Variants in DNMBP observed in about 807,000 individuals in gnomAD.
DNMBP encodes the protein dynamin binding protein.
DNMBP carries 87 observed loss-of-function variants against 150.0 expected under a neutral mutation model. That is an observed-to-expected ratio of 0.58 (90% CI 0.49 to 0.69). The LOEUF (loss-of-function observed/expected upper bound fraction) is 0.69. Among genes scored for constraint, DNMBP ranks in the 30% least tolerant of loss-of-function variants. The pLI is 0.00. For missense variants in DNMBP, 1,774 were observed against 1,949.0 expected, an observed-to-expected ratio of 0.91 and a Z score of 1.69; for synonymous variants, 711 against 750.4, an observed-to-expected ratio of 0.95 and a Z score of 0.86.
Position 99,957,030 on chromosome 10 carries a change from T to G in DNMBP, c.444A>C (p.Gly148=). The G allele has an allele frequency of 6.2e-7, 1 of 1,614,162 alleles. No homozygotes were observed. ...ALFQIPEYSM[G]QARALMGLSA... is the part of the protein sequence containing the mutation. The stretch of plus-strand genomic sequence containing the variant: ...AAAGCCCCATTAGGGCCCGGGCTTG[T>G]CCCATGGAATATTCCGGAATCTGAA... The change falls in exon 4 of 17, where the codon GGA becomes GGC. Residue 148 remains glycine, a synonymous_variant. Coordinates refer to ENST00000324109, the MANE Select transcript of DNMBP (RefSeq NM_015221.4).
At chr10:99,964,135 C>CTTTTTTTTTTT (rs895801002) in intron 3 of DNMBP, among the ~76,000 whole-genome samples, 13 of 87,218 alleles carry the variant, frequency 1.5e-4, no homozygotes, top group African/African-American at 4.9e-4. Flanking sequence ...TATTCTCTCT[C>CTTTTTTTTTTT]TTTTTTTTTT....
Position 99,990,806 on chromosome 10 carries a change from T to TAC in DNMBP, c.-10-18674_-10-18673dup, listed in dbSNP as rs1313781777. On this transcript the variant is annotated intron_variant, in intron 1 of 16. Transcript: ENST00000324109. Reference sequence around the variant, plus strand: ...ATACACACATATATACACACATATATACACATATATATATATACACATATA... The same window carrying TAC: ...ATACACACATATATACACACATATATACACACATATATATATATACACATATA... Among the ~76,000 whole-genome samples the TAC allele has an allele frequency of 2.5e-4, 21 of 84,836 alleles. 1 individual carries two copies. Among genetic ancestry groups the TAC allele is most frequent in the Admixed American group, 7.8e-4 (6 of 7,730 alleles). 55.7% of individuals were successfully genotyped at this position (84,836 alleles called of 152,430 possible).
At chr10:99,907,959 A>T in intron 6 of DNMBP, 36 bp downstream of exon 6, 1 of 1,562,866 alleles carries the variant, frequency 6.4e-7, no homozygotes, top group Non-Finnish European at 8.8e-7. Context: ...AAGTTTTTTT[A>T]AAAAGCTGCT....
At position 99,898,733 on chromosome 10, in the gene DNMBP, T is replaced by C. The variant is rs777650143; in HGVS notation, c.2720+10A>G. The stretch of plus-strand genomic sequence containing the variant: ...AATGAGCGCATACATCAAGCAGCAA[T>C]GGAACTTACCATTCGTTGTATAGGC... On this transcript the variant is annotated intron_variant, in intron 8 of 16. Coordinates refer to ENST00000324109, the MANE Select transcript of DNMBP (RefSeq NM_015221.4). 2 of 1,613,816 alleles carry C rather than the reference T, an allele frequency of 1.2e-6. No individual in the cohort carries two copies. The highest frequency in any genetic ancestry group is 1.7e-5 in the Admixed American group (1 of 59,984).
At chr10:99,957,490 A>C in intron 3 of DNMBP, 1 of 410,850 alleles carries the variant, frequency 2.4e-6, no homozygotes, top group Non-Finnish European at 4.4e-6. Flanking sequence ...CTTTATCTAC[A>C]TATTTTACTC....
At chr10:99,965,083 A>G (rs918777927) in intron 3 of DNMBP, among the ~76,000 whole-genome samples, 6 of 152,126 alleles carry the variant, frequency 3.9e-5, no homozygotes, top group African/African-American at 1.4e-4. Context: ...AAGCACATCA[A>G]TGAAGCCCAG....
intron 4 of DNMBP, among the ~76,000 whole-genome samples, chr10:99,953,042 T>C (rs979635576): frequency 1.1e-4 from 17 of 152,342 alleles, no homozygotes; most frequent in African/African-American, 4.1e-4. Flanking sequence ...CAATTGCTGT[T>C]GGTTGCCTAC....
intron 1 of DNMBP, among the ~76,000 whole-genome samples, chr10:100,001,080 A>C (rs967652066): frequency 2.0e-5 from 3 of 149,672 alleles, no homozygotes; most frequent in Admixed American, 6.7e-5. Flanking sequence ...AGAATACAAA[A>C]ATTAGCCAGG....
chr10:99,914,574 C>T (rs1589415493), intron 4 of DNMBP, among the ~76,000 whole-genome samples: 1 of 152,080 alleles, frequency 6.6e-6, no homozygotes, highest in African/African-American at 2.4e-5. Context: ...GCTGGGTAGT[C>T]CCAGGACAGC....
Position 99,898,296 on chromosome 10 carries a change from A to C in DNMBP, c.2721-11T>G. Reference sequence around the variant, plus strand: ...TAATTTGTGCATCCCCTGTAAGAGAAGGAAAAAAGACTTTAGTAAGCTATC... The same window carrying C: ...TAATTTGTGCATCCCCTGTAAGAGACGGAAAAAAGACTTTAGTAAGCTATC... On this transcript the variant is annotated splice_polypyrimidine_tract_variant and intron_variant, in intron 8 of 16. Coordinates refer to ENST00000324109, the MANE Select transcript of DNMBP (RefSeq NM_015221.4). The C allele has an allele frequency of 6.2e-7, 1 of 1,605,530 alleles. No homozygotes were observed. The highest frequency in any genetic ancestry group is 8.5e-7 in the Non-Finnish European group (1 of 1,172,584).
chr10:99,928,214 G>A (rs1417838060), intron 4 of DNMBP: 1 of 152,154 alleles, frequency 6.6e-6, no homozygotes, highest in Non-Finnish European at 1.5e-5. Context: ...TTCAAGTTAA[G>A]TCAAGCCCAT....
chr10:99,877,104 C>T lies in DNMBP; in HGVS notation c.*47G>A, dbSNP rs374874159. 13 of 1,420,038 alleles carry T rather than the reference C, an allele frequency of 9.2e-6. No individual in the cohort carries two copies. The highest frequency in any genetic ancestry group is 1.6e-5 in the South Asian group (1 of 62,156). 88.0% of individuals were successfully genotyped at this position (1,420,038 alleles called of 1,614,324 possible). ...CTCGGTGGGCCGCCAGAACCCTCGG[C>T]GGACTGAAAGCAAAGGCAGCAAGGC... is the stretch of plus-strand genomic sequence containing the variant. On this transcript the variant is annotated 3_prime_UTR_variant, in exon 17 of 17. Transcript: ENST00000324109.
At chr10:99,915,534 C>T (rs1329345269) in intron 4 of DNMBP, among the ~76,000 whole-genome samples, 1 of 152,016 alleles carries the variant, frequency 6.6e-6, no homozygotes, top group African/African-American at 2.4e-5. Flanking sequence ...TAGTGAGACC[C>T]TCAGTCTCTA....
intron 12 of DNMBP, among the ~76,000 whole-genome samples, 163 bp from the exon 13 acceptor site, chr10:99,886,795 A>T (rs558428198): frequency 6.6e-6 from 1 of 152,236 alleles, no homozygotes; most frequent in Admixed American, 6.5e-5. Flanking sequence ...CTACTAACCC[A>T]TCACTAGCCT....
At chr10:99,977,003 C>T (rs947170382) in intron 1 of DNMBP, among the ~76,000 whole-genome samples, 15 of 152,258 alleles carry the variant, frequency 9.9e-5, no homozygotes, top group Non-Finnish European at 2.1e-4. Flanking sequence ...TAGAGAACTA[C>T]CCCATTACAC....
chr10:99,927,422 G>A (rs2040094237), intron 4 of DNMBP: 1 of 152,178 alleles, frequency 6.6e-6, no homozygotes, highest in Non-Finnish European at 1.5e-5. Context: ...CTCATTATGA[G>A]AGAGGTATTA....
At position 99,913,485 on chromosome 10, in the gene DNMBP, A is replaced by G. The variant is rs984262022; in HGVS notation, c.2261-4339T>C. On this transcript the variant is annotated intron_variant, in intron 4 of 16. Transcript: ENST00000324109. ...TGCCCTGTGCAGACTCTAAAATTCCACTTTTCTATGAGAACAATAAAATGT... is the reference window on the plus strand; with the variant it reads ...TGCCCTGTGCAGACTCTAAAATTCCGCTTTTCTATGAGAACAATAAAATGT... 3.9e-5 allele frequency among the ~76,000 whole-genome samples: 6 copies of G among 152,112 alleles called. No homozygotes were observed. In the East Asian group the frequency reaches 1.2e-3, roughly 29 times the overall value.
In DNMBP at chr10:100,000,596, A is replaced by G. The variant is rs534699501; in HGVS notation, c.-11+9242T>C. On this transcript the variant is annotated intron_variant, in intron 1 of 16. Coordinates refer to ENST00000324109, the MANE Select transcript of DNMBP (RefSeq NM_015221.4). Reference sequence around the variant, plus strand: ...GGGATTCTACTAGCCTGCTGAACCTATGCATTGAAAGGAAGCTAAGAGAGC... The same window carrying G: ...GGGATTCTACTAGCCTGCTGAACCTGTGCATTGAAAGGAAGCTAAGAGAGC... Among the ~76,000 whole-genome samples, 7 of 152,222 alleles carry G rather than the reference A, an allele frequency of 4.6e-5. No homozygotes were observed. The South Asian group carries it at 1.5e-3, about 32-fold the overall frequency.
intron 4 of DNMBP, among the ~76,000 whole-genome samples, chr10:99,951,495 G>A (rs1415085487): frequency 6.6e-6 from 1 of 152,218 alleles, no homozygotes; most frequent in Non-Finnish European, 1.5e-5. Context: ...AAGCAGCCAG[G>A]AGGGAGGCTG....
Sources: allele counts gnomAD v4.1 joint callset (sites outside exome capture counted in the v4.1 genomes callset), GRCh38; gene constraint gnomAD v4.1.1; transcripts MANE v1.5; gene names NCBI Gene and HGNC (gene_info 2026-07-23, HGNC 2026-07-21).